Variants in ADGRB3 observed in about 807,000 individuals in gnomAD.
ADGRB3 encodes adhesion G protein-coupled receptor B3.
Under a neutral mutation model 193.4 loss-of-function variants are expected in ADGRB3, and 37 were observed. The ratio of observed to expected loss-of-function variants is 0.19; its 90% CI spans 0.15 to 0.25. The LOEUF (loss-of-function observed/expected upper bound fraction) is 0.25. Ranked by LOEUF, ADGRB3 falls within the 10% of genes least tolerant of loss-of-function variation. The pLI is 1.00. For synonymous variants in ADGRB3, 690 were observed against 644.2 expected (o/e 1.07, Z -1.08); for missense variants, 1,637 against 1,852.9 (o/e 0.88, Z 2.14).
At chr6:69,014,194 A>T (rs1034031419) in intron 12 of ADGRB3, 88 bp downstream of exon 12, 1 of 964,952 alleles carries the variant, frequency 1.0e-6, no homozygotes, top group African/African-American at 1.7e-5. Flanking sequence ...TATTTCAGGA[A>T]AACAAGATAT....
chr6:68,863,708 C>T (rs904257980), intron 3 of ADGRB3, among the ~76,000 whole-genome samples: 2 of 152,088 alleles, frequency 1.3e-5, no homozygotes, highest in African/African-American at 4.8e-5. Flanking sequence ...TAGAGAATGG[C>T]TTTTATTGGA....
chr6:69,049,311 A>G lies in ADGRB3; in HGVS notation c.2298A>G (p.Leu766=), dbSNP rs1407137176. ...ESSVFVLGAV[L]YKNLDLILPT... ...CTGTATTTGTTCTTGGCGCAGTCCT[A>G]TACAAAAACTTAGATCTAATTTTGC... Residue 766 remains leucine (L), a synonymous_variant, in exon 15 of 32, where the codon CTA becomes CTG. Transcript: ENST00000370598. 1.2e-6 allele frequency: 2 copies of G among 1,609,442 alleles called. No individual in the cohort carries two copies. Among genetic ancestry groups the G allele is most frequent in the Non-Finnish European group, 1.7e-6 (2 of 1,177,302 alleles).
chr6:69,233,144 A>T (rs1766184696), intron 17 of ADGRB3, 146 bp from the exon 18 acceptor site: 1 of 1,164,096 alleles, frequency 8.6e-7, no homozygotes, highest in Non-Finnish European at 1.2e-6. Context: ...TCTAAATTAC[A>T]TCCTGTTCAA....
chr6:69,373,991 A>G (rs998027039), intron 30 of ADGRB3, among the ~76,000 whole-genome samples: 6 of 152,080 alleles, frequency 3.9e-5, no homozygotes, highest in Non-Finnish European at 7.4e-5. Context: ...CCTTAAGCTG[A>G]TACTTACTTC....
At position 68,876,827 on chromosome 6, in the gene ADGRB3, C is replaced by T. The variant is rs183246731; in HGVS notation, c.758-53732C>T. Reference sequence around the variant, plus strand: ...TTTACAAACTGTTATGTATTTTTAGCATATGGCCATGTTTTCTTTTTATTG... The same window carrying T: ...TTTACAAACTGTTATGTATTTTTAGTATATGGCCATGTTTTCTTTTTATTG... On this transcript the variant is annotated intron_variant, in intron 3 of 31. Coordinates refer to ENST00000370598, the MANE Select transcript of ADGRB3 (RefSeq NM_001704.3). 2.0e-3 allele frequency among the ~76,000 whole-genome samples: 303 copies of T among 152,114 alleles called. 1 individual carries two copies. Among genetic ancestry groups the T allele is most frequent in the African/African-American group, 6.9e-3 (287 of 41,546 alleles).
chr6:69,185,768 T>C (rs1582527859), intron 17 of ADGRB3, among the ~76,000 whole-genome samples: 1 of 152,176 alleles, frequency 6.6e-6, no homozygotes, highest in Non-Finnish European at 1.5e-5. Flanking sequence ...AAAGTATACA[T>C]GATGACTTCT....
At position 68,965,280 on chromosome 6, in the gene ADGRB3, A is replaced by G. The variant is rs139457507; in HGVS notation, c.1525+8471A>G. Among the ~76,000 whole-genome samples, 486 of 152,308 alleles carry G rather than the reference A, an allele frequency of 3.2e-3. 1 individual carries two copies. The highest frequency in any genetic ancestry group is 0.011 in the African/African-American group (450 of 41,570). On this transcript the variant is annotated intron_variant, in intron 8 of 31. Transcript: ENST00000370598. ...CTTAGCAGCAGCATGAATTCTTCACATGAGTAGGTACCACCTTGGAAATTA... is the reference window on the plus strand; with the variant it reads ...CTTAGCAGCAGCATGAATTCTTCACGTGAGTAGGTACCACCTTGGAAATTA...
Position 68,650,086 on chromosome 6 carries a change from T to C in ADGRB3, c.757+10654T>C, listed in dbSNP as rs547920820. 4.6e-5 allele frequency among the ~76,000 whole-genome samples: 7 copies of C among 152,288 alleles called. No individual in the cohort carries two copies. In the East Asian group the frequency reaches 1.2e-3, roughly 25 times the overall value. ...CTAACACCAAGGTGTATAGTTGAGTTAGTGAGGTGATTTCAGAGTATATAT... is the reference window on the plus strand; with the variant it reads ...CTAACACCAAGGTGTATAGTTGAGTCAGTGAGGTGATTTCAGAGTATATAT... On this transcript the variant is annotated intron_variant, in intron 3 of 31. Transcript: ENST00000370598.
At chr6:68,982,023 T>C (rs1001157796) in intron 10 of ADGRB3, among the ~76,000 whole-genome samples, 3 of 151,938 alleles carry the variant, frequency 2.0e-5, no homozygotes, top group African/African-American at 7.2e-5. Flanking sequence ...GTAGCTGGGA[T>C]TACAGGCGCC....
At chr6:69,023,587 A>C (rs1770334053) in intron 13 of ADGRB3, among the ~76,000 whole-genome samples, 2 of 152,156 alleles carry the variant, frequency 1.3e-5, no homozygotes, top group South Asian at 4.1e-4. Context: ...AGTAAAATCA[A>C]ATTGGAAAGG....
intron 3 of ADGRB3, among the ~76,000 whole-genome samples, chr6:68,749,139 T>C (rs2127346170): frequency 6.6e-6 from 1 of 152,252 alleles, no homozygotes; most frequent in East Asian, 1.9e-4. Flanking sequence ...GCCATGAAGG[T>C]CTCTGACATG....
At chr6:68,794,792 A>T (rs1343843027) in intron 3 of ADGRB3, among the ~76,000 whole-genome samples, 2 of 152,068 alleles carry the variant, frequency 1.3e-5, no homozygotes, top group Admixed American at 6.6e-5. Context: ...TATTTGACTT[A>T]TGTCACTTAT....
chr6:69,302,488 T>C (rs532438072), intron 20 of ADGRB3, among the ~76,000 whole-genome samples: 4 of 152,028 alleles, frequency 2.6e-5, no homozygotes, highest in African/African-American at 9.6e-5. Context: ...CAATGAACAA[T>C]ACCCCTGGCC....
chr6:68,800,288 T>C (rs558301658), intron 3 of ADGRB3, among the ~76,000 whole-genome samples: 1 of 152,274 alleles, frequency 6.6e-6, no homozygotes, highest in South Asian at 2.1e-4. Context: ...AGCAAAGTTC[T>C]GGAGGAATAT....
intron 20 of ADGRB3, among the ~76,000 whole-genome samples, chr6:69,257,216 A>G (rs953440162): frequency 6.6e-6 from 1 of 152,214 alleles, no homozygotes; most frequent in Non-Finnish European, 1.5e-5. Flanking sequence ...TGCTGGCCTC[A>G]TAAAATGAAT....
At chr6:69,196,403 T>C (rs1475817979) in intron 17 of ADGRB3, among the ~76,000 whole-genome samples, 1 of 152,038 alleles carries the variant, frequency 6.6e-6, no homozygotes, top group Non-Finnish European at 1.5e-5. Flanking sequence ...AAATTTAATT[T>C]TTTCACACTT....
At chr6:68,782,334 G>A (rs1766871617) in intron 3 of ADGRB3, among the ~76,000 whole-genome samples, 1 of 151,638 alleles carries the variant, frequency 6.6e-6, no homozygotes, top group Admixed American at 6.6e-5. Flanking sequence ...AGTATTCCAT[G>A]GTGTATATGT....
intron 10 of ADGRB3, among the ~76,000 whole-genome samples, chr6:68,987,689 T>C (rs1205356130): frequency 2.6e-5 from 4 of 152,098 alleles, no homozygotes; most frequent in Non-Finnish European, 5.9e-5. Context: ...AGCTATGCAA[T>C]CCTGGAGAAT....
chr6:69,135,341 A>T (rs561879741), intron 17 of ADGRB3, among the ~76,000 whole-genome samples: 1 of 151,876 alleles, frequency 6.6e-6, no homozygotes, highest in South Asian at 2.1e-4. Context: ...CTCTTTAAAT[A>T]CAGTGTTTAC....
Sources: allele counts gnomAD v4.1 joint callset (sites outside exome capture counted in the v4.1 genomes callset), GRCh38; gene constraint gnomAD v4.1.1; transcripts MANE v1.5; gene names NCBI Gene and HGNC (gene_info 2026-07-23, HGNC 2026-07-21).